SAP30L: variants seen among roughly 807,000 people sequenced by gnomAD.
SAP30L encodes SAP30 like, also known as histone deacetylase complex subunit SAP30L.
A neutral mutation model predicts 22.3 loss-of-function variants in SAP30L; 10 were observed. The ratio of observed to expected loss-of-function variants is 0.45; its 90% CI spans 0.28 to 0.76. SAP30L has a LOEUF of 0.76. Among genes scored for constraint, SAP30L ranks in the 30% least tolerant of loss-of-function variants. SAP30L has a pLI of 0.14. For missense variants in SAP30L, 206 were observed against 237.9 expected, an observed-to-expected ratio of 0.87 and a Z score of 0.88; for synonymous variants, 91 against 94.1, an observed-to-expected ratio of 0.97 and a Z score of 0.19.
intron 3 of SAP30L, 146 bp from the exon 4 acceptor site, chr5:154,455,754 A>C: frequency 9.7e-7 from 1 of 1,035,026 alleles, no homozygotes; most frequent in Non-Finnish European, 1.4e-6. Flanking sequence ...GGGCACTCTG[A>C]GTTCCGCACA....
intron 3 of SAP30L, among the ~76,000 whole-genome samples, chr5:154,454,411 A>G (rs1227968504): frequency 6.6e-6 from 1 of 152,182 alleles, no homozygotes; most frequent in Non-Finnish European, 1.5e-5. Flanking sequence ...TTTTCTTAAT[A>G]TATTTTTCTG....
rs781528012 is a variant in SAP30L at position 154,454,773 on chromosome 5, T to C, written c.424-1127T>C. ...AGGAGACCTGCATTCTCATTACTTA[T>C]GGAATGAAGTATTAGGAGCATTAGT... is the stretch of plus-strand genomic sequence containing the variant. On this transcript the variant is annotated intron_variant, in intron 3 of 3. Coordinates refer to ENST00000297109, the MANE Select transcript of SAP30L (RefSeq NM_024632.6). Among the ~76,000 whole-genome samples the C allele has an allele frequency of 4.6e-5, 7 of 152,238 alleles. No homozygotes were observed. In the East Asian group the frequency reaches 5.8e-4, roughly 13 times the overall value.
chr5:154,454,196 T>G (rs1276424630), intron 3 of SAP30L, among the ~76,000 whole-genome samples: 1 of 151,526 alleles, frequency 6.6e-6, no homozygotes, highest in East Asian at 1.9e-4. Flanking sequence ...ACAGGAGCTA[T>G]TTTTTTTTCC....
chr5:154,446,935 T>G lies in SAP30L; in HGVS notation c.201+130T>G, dbSNP rs575198520. The G allele has an allele frequency of 2.4e-5, 17 of 706,568 alleles. No individual in the cohort carries two copies. The East Asian group carries it at 2.9e-4, about 12-fold the overall frequency. 43.8% of individuals were successfully genotyped at this position (706,568 alleles called of 1,614,324 possible). On this transcript the variant is annotated intron_variant, in intron 1 of 3. Coordinates refer to ENST00000297109, the MANE Select transcript of SAP30L (RefSeq NM_024632.6). ...GCCGCCCCGGCTCTGCAGAACTGAG[T>G]TGGACTCCGCATTTCAAAGGCCGCT... is the stretch of plus-strand genomic sequence containing the variant.
intron 2 of SAP30L, among the ~76,000 whole-genome samples, chr5:154,452,847 C>T (rs1757177161): frequency 6.6e-6 from 1 of 151,212 alleles, no homozygotes; most frequent in African/African-American, 2.4e-5. Flanking sequence ...GGTGTCCCTT[C>T]TAGCATCACT....
intron 1 of SAP30L, among the ~76,000 whole-genome samples, chr5:154,447,969 C>CT (rs140213326): frequency 0.018 from 1,593 of 88,378 alleles, 86 homozygotes; most frequent in African/African-American, 0.049. Context: ...TTTTCTTTTT[C>CT]TTTTTTTTTT....
Position 154,453,383 on chromosome 5 carries a change from T to C in SAP30L, c.325-19T>C, listed in dbSNP as rs1043923976. 4 of 1,593,300 alleles carry C rather than the reference T, an allele frequency of 2.5e-6. No homozygotes were observed. The highest frequency in any genetic ancestry group is 2.6e-6 in the Non-Finnish European group (3 of 1,161,398). Reference sequence around the variant, plus strand: ...GGGTGGTCAGGTGATGGATAACATTTTTCTCCTCTTCTCCCTAGGTTGATC... The same window carrying C: ...GGGTGGTCAGGTGATGGATAACATTCTTCTCCTCTTCTCCCTAGGTTGATC... On this transcript the variant is annotated intron_variant, in intron 2 of 3. Transcript: ENST00000297109.
rs374768189 is a variant in SAP30L, at chr5:154,454,886, G to A, written c.424-1014G>A. Among the ~76,000 whole-genome samples, 179 of 151,606 alleles carry A rather than the reference G, an allele frequency of 1.2e-3. 1 individual carries two copies. Among genetic ancestry groups the A allele is most frequent in the African/African-American group, 4.3e-3 (176 of 41,318 alleles). The stretch of plus-strand genomic sequence containing the variant: ...AGAATTTTGGGGTTCAGATGCCTCT[G>A]TTCAATTTGTTCAATTGGCTGTTCA... On this transcript the variant is annotated intron_variant, in intron 3 of 3. Transcript: ENST00000297109.
rs1168013832 is a variant in SAP30L at position 154,446,601 on chromosome 5, G to A, written c.-4G>A. On this transcript the variant is annotated 5_prime_UTR_variant, in exon 1 of 4. Coordinates refer to ENST00000297109, the MANE Select transcript of SAP30L (RefSeq NM_024632.6). ...CCCCAGAGGGACCGGCCCGGGGCGG[G>A]GAGATGAACGGCTTCAGCACGGAGG... 2.0e-6 allele frequency: 3 copies of A among 1,476,104 alleles called. No homozygotes were observed. The allele number at this position is 1,476,104 out of a possible 1,614,324, so 91.4% of individuals were successfully genotyped here.
Position 154,457,679 on chromosome 5 carries a change from C to A in SAP30L, c.*1651C>A, listed in dbSNP as rs1757292252. 1 of 152,198 alleles carries A rather than the reference C, an allele frequency of 6.6e-6. No homozygotes were observed. Among genetic ancestry groups the A allele is most frequent in the Non-Finnish European group, 1.5e-5 (1 of 68,044 alleles). The allele number at this position is 152,198 out of a possible 1,614,324, so 9.4% of individuals were successfully genotyped here. On this transcript the variant is annotated 3_prime_UTR_variant, in exon 4 of 4. Transcript: ENST00000297109. Reference sequence around the variant, plus strand: ...AAAGCTTTCGCCTGTGTTCAAAATGCATGTCTAGCAGATTGCAGCCTTTTA... The same window carrying A: ...AAAGCTTTCGCCTGTGTTCAAAATGAATGTCTAGCAGATTGCAGCCTTTTA...
chr5:154,452,788 C>T (rs1757175826), intron 2 of SAP30L, among the ~76,000 whole-genome samples: 1 of 152,196 alleles, frequency 6.6e-6, no homozygotes, highest in Admixed American at 6.5e-5. Flanking sequence ...TCGTTCTGGC[C>T]TATCATCCTC....
In SAP30L at chr5:154,447,247, C is replaced by T. The variant is rs1372455090; in HGVS notation, c.201+442C>T. On this transcript the variant is annotated intron_variant, in intron 1 of 3. Coordinates refer to ENST00000297109, the MANE Select transcript of SAP30L (RefSeq NM_024632.6). The stretch of plus-strand genomic sequence containing the variant: ...AGGTGGCAGTTACTTCCCTGGCTCC[C>T]GCATCCTCGGTATCAGCAGAGGGTC... Among the ~76,000 whole-genome samples, 3 of 152,318 alleles carry T rather than the reference C, an allele frequency of 2.0e-5. No homozygotes were observed. In the East Asian group the frequency reaches 5.8e-4, roughly 29 times the overall value.
chr5:154,454,144 A>G (rs1757213783), intron 3 of SAP30L, among the ~76,000 whole-genome samples: 1 of 152,186 alleles, frequency 6.6e-6, no homozygotes, highest in Admixed American at 6.5e-5. Context: ...AGATATGATC[A>G]TTTTGTGTGT....
Position 154,446,733 on chromosome 5 carries a change from C to T in SAP30L, c.129C>T (p.Gly43=). ...EDGERCVRPA[G]NASFSKRVQK... ...GCGAGCGCTGCGTCCGGCCCGCGGG[C>T]AACGCCTCCTTCAGCAAGAGGGTCC... Residue 43 remains glycine, a synonymous_variant, in exon 1 of 4, where the codon GGC becomes GGT. Transcript: ENST00000297109. 1 of 1,606,926 alleles carries T rather than the reference C, an allele frequency of 6.2e-7. No homozygotes were observed. Among genetic ancestry groups the T allele is most frequent in the Non-Finnish European group, 8.5e-7 (1 of 1,178,592 alleles).
chr5:154,452,975 T>G (rs1170153967), intron 2 of SAP30L: 2 of 165,560 alleles, frequency 1.2e-5, no homozygotes, highest in Admixed American at 1.2e-4. Flanking sequence ...GCCATCGCCC[T>G]CCACCCTCTG....
chr5:154,450,795 G>A (rs1757121476), intron 1 of SAP30L, among the ~76,000 whole-genome samples: 1 of 152,150 alleles, frequency 6.6e-6, no homozygotes, highest in Admixed American at 6.5e-5. Context: ...TTTAGTCAGG[G>A]CCCTTCACCC....
At chr5:154,453,582 T>G in intron 3 of SAP30L, 82 bp downstream of exon 3, 2 of 940,594 alleles carry the variant, frequency 2.1e-6, no homozygotes, top group Non-Finnish European at 3.4e-6. Context: ...TTACCTTGTG[T>G]GTCTGCTAAT....
chr5:154,446,467 G>A lies in SAP30L; in HGVS notation c.-138G>A, dbSNP rs970660360. Reference sequence around the variant, plus strand: ...GGGAGCCGGGCCTCTCGGACGCGGGGCAGGGCAGCGCCCGGGCTGGAGACG... The same window carrying A: ...GGGAGCCGGGCCTCTCGGACGCGGGACAGGGCAGCGCCCGGGCTGGAGACG... On this transcript the variant is annotated 5_prime_UTR_variant, in exon 1 of 4. Coordinates refer to ENST00000297109, the MANE Select transcript of SAP30L (RefSeq NM_024632.6). 1 of 675,804 alleles carries A rather than the reference G, an allele frequency of 1.5e-6. No homozygotes were observed. The highest frequency in any genetic ancestry group is 2.2e-6 in the Non-Finnish European group (1 of 455,520). 41.9% of individuals were successfully genotyped at this position (675,804 alleles called of 1,614,324 possible).
At chr5:154,450,618 C>A (rs565588504) in intron 1 of SAP30L, among the ~76,000 whole-genome samples, 6 of 152,280 alleles carry the variant, frequency 3.9e-5, no homozygotes, top group Admixed American at 2.0e-4. Context: ...TGCCCACCCC[C>A]CTGATGCCTC....
Sources: gnomAD v4.1 joint callset for allele counts (sites outside exome capture counted in the v4.1 genomes callset) on GRCh38, gnomAD v4.1.1 for gene constraint, MANE v1.5 for transcripts, NCBI Gene and HGNC (gene_info 2026-07-23, HGNC 2026-07-21) for gene names.